DIAPH2: variants seen among roughly 807,000 people sequenced by gnomAD.
DIAPH2 encodes the protein diaphanous related formin 2, also known as protein diaphanous homolog 2.
A neutral mutation model predicts 92.7 loss-of-function variants in DIAPH2; 35 were observed. The observed-to-expected ratio is 0.38, with a 90% confidence interval of 0.29 to 0.50. The LOEUF is 0.50. DIAPH2 is among the 20% of genes least tolerant of loss of function. DIAPH2 has a pLI of 0.94. For missense variants in DIAPH2, 701 were observed against 819.5 expected, an observed-to-expected ratio of 0.86 and a Z score of 1.77; for synonymous variants, 301 against 280.4, an observed-to-expected ratio of 1.07 and a Z score of -0.73.
intron 26 of DIAPH2, among the ~76,000 whole-genome samples, chrX:97,511,532 C>T (rs999977832): frequency 8.2e-5 from 9 of 109,432 alleles, no homozygotes; most frequent in African/African-American, 3.0e-4. Flanking sequence ...CTGGCCAGAA[C>T]TTCCAAGACT....
In DIAPH2 at chrX:96,893,235, G is replaced by T. The variant is rs1401355374; in HGVS notation, c.587+11517G>T. Reference sequence around the variant, plus strand: ...CCAAGCTCCAATTAAATGAGGAAAGGAGGTGGAACTTTTCCAAAAACTTAG... The same window carrying T: ...CCAAGCTCCAATTAAATGAGGAAAGTAGGTGGAACTTTTCCAAAAACTTAG... On this transcript the variant is annotated intron_variant, in intron 5 of 26. Coordinates refer to ENST00000324765, the MANE Select transcript of DIAPH2 (RefSeq NM_006729.5). 4.5e-5 allele frequency among the ~76,000 whole-genome samples: 5 copies of T among 111,605 alleles called. No homozygotes were observed. In the East Asian group the frequency reaches 1.4e-3, roughly 31 times the overall value.
chrX:97,322,696 A>G (rs1305334404), intron 23 of DIAPH2, among the ~76,000 whole-genome samples: 1 of 110,836 alleles, frequency 9.0e-6, no homozygotes, highest in African/African-American at 3.3e-5. Flanking sequence ...GAAAAAACAA[A>G]CAAAAAAAAA....
chrX:96,898,708 T>G (rs977216203), intron 5 of DIAPH2, among the ~76,000 whole-genome samples: 4 of 107,258 alleles, frequency 3.7e-5, no homozygotes, highest in Non-Finnish European at 7.7e-5. Context: ...GTTCTTTTGC[T>G]GTGCAGAAGC....
At chrX:97,298,329 C>T (rs1005334178) in intron 23 of DIAPH2, among the ~76,000 whole-genome samples, 2 of 92,490 alleles carry the variant, frequency 2.2e-5, no homozygotes, top group African/African-American at 8.5e-5. Flanking sequence ...TATCAAGGAA[C>T]GGTGAAGGAA....
At chrX:97,185,507 A>G (rs1177670347) in intron 22 of DIAPH2, among the ~76,000 whole-genome samples, 2 of 60,022 alleles carry the variant, frequency 3.3e-5, no homozygotes, top group East Asian at 6.0e-4. Flanking sequence ...ATATATATAT[A>G]TATATATATA....
intron 5 of DIAPH2, among the ~76,000 whole-genome samples, chrX:96,892,421 A>G (rs1296279411): frequency 8.9e-6 from 1 of 111,902 alleles, no homozygotes; most frequent in Non-Finnish European, 1.9e-5. Flanking sequence ...ATTTATACAT[A>G]CAATACGAAA....
At chrX:97,480,816 T>G (rs952439840) in intron 26 of DIAPH2, among the ~76,000 whole-genome samples, 3 of 111,876 alleles carry the variant, frequency 2.7e-5, no homozygotes, top group Non-Finnish European at 5.6e-5. Flanking sequence ...GACTGTTTCT[T>G]AGAATGGTTG....
intron 8 of DIAPH2, among the ~76,000 whole-genome samples, chrX:96,917,726 A>G (rs1276709803): frequency 2.7e-5 from 3 of 111,231 alleles, no homozygotes; most frequent in East Asian, 5.6e-4. Context: ...TTCTTGTGCT[A>G]GATAATTATA....
At chrX:96,688,615 G>A (rs965564345) in intron 1 of DIAPH2, among the ~76,000 whole-genome samples, 2 of 112,279 alleles carry the variant, frequency 1.8e-5, no homozygotes, top group Non-Finnish European at 3.8e-5. Flanking sequence ...AGGATTACAG[G>A]CTTGAGCCAC....
At chrX:97,003,242 A>G (rs2066157041) in intron 17 of DIAPH2, among the ~76,000 whole-genome samples, 1 of 111,714 alleles carries the variant, frequency 9.0e-6, no homozygotes, top group Non-Finnish European at 1.9e-5. Context: ...TAGCTATTGT[A>G]AACAGTGCTG....
intron 4 of DIAPH2, among the ~76,000 whole-genome samples, chrX:96,854,158 A>G (rs781031696): frequency 6.3e-5 from 7 of 111,099 alleles, no homozygotes; most frequent in Non-Finnish European, 1.3e-4. Context: ...AAGTCTTTCT[A>G]CTGGTACTAA....
chrX:97,354,395 T>G (rs1201834706), intron 24 of DIAPH2, among the ~76,000 whole-genome samples: 1 of 111,623 alleles, frequency 9.0e-6, no homozygotes, highest in Non-Finnish European at 1.9e-5. Flanking sequence ...TTTTTTGAGA[T>G]GGAGTCTTGC....
At chrX:97,032,759 A>G (rs770329568) in intron 17 of DIAPH2, among the ~76,000 whole-genome samples, 1 of 111,795 alleles carries the variant, frequency 8.9e-6, no homozygotes, top group South Asian at 3.7e-4. Context: ...GAATATTTTT[A>G]AGAGAGTATA....
chrX:97,497,798 T>G (rs1202134174), intron 26 of DIAPH2, among the ~76,000 whole-genome samples: 1 of 110,869 alleles, frequency 9.0e-6, no homozygotes, highest in African/African-American at 3.3e-5. Flanking sequence ...CTACTCTGTC[T>G]TTTCCCCTAA....
intron 24 of DIAPH2, among the ~76,000 whole-genome samples, chrX:97,350,991 TAA>T (rs1338723028): frequency 8.9e-6 from 1 of 112,388 alleles, no homozygotes; most frequent in African/African-American, 3.2e-5. Context: ...AATCAGATCC[TAA>T]ATGTGTCAAC....
At chrX:97,159,212 C>T (rs1251386868) in intron 22 of DIAPH2, among the ~76,000 whole-genome samples, 1 of 111,822 alleles carries the variant, frequency 8.9e-6, no homozygotes, top group African/African-American at 3.2e-5. Context: ...TAGAAGTCAC[C>T]CTGGGCTAAA....
intron 4 of DIAPH2, among the ~76,000 whole-genome samples, chrX:96,858,951 T>C (rs916949060): frequency 2.7e-5 from 3 of 111,979 alleles, no homozygotes; most frequent in East Asian, 2.8e-4. Context: ...CTGAAGACAA[T>C]CCCTGTATTA....
chrX:97,500,765 T>TATATATATATATCC (rs2070790344), intron 26 of DIAPH2, among the ~76,000 whole-genome samples: 9 of 10,056 alleles, frequency 8.9e-4, no homozygotes, highest in Non-Finnish European at 1.6e-3. Context: ...TTCAAGGAGA[T>TATATATATATATCC]ATATATATAT....
chrX:97,232,545 A>G (rs1602435550), intron 22 of DIAPH2, among the ~76,000 whole-genome samples: 2 of 110,466 alleles, frequency 1.8e-5, no homozygotes, highest in African/African-American at 6.6e-5. Context: ...TTTTCTCCCA[A>G]ACTATTTGCT....
Sources: gnomAD v4.1 joint callset for allele counts (sites outside exome capture counted in the v4.1 genomes callset) on GRCh38, gnomAD v4.1.1 for gene constraint, MANE v1.5 for transcripts, NCBI Gene and HGNC (gene_info 2026-07-23, HGNC 2026-07-21) for gene names.